Variants in HMCN1 observed in about 807,000 individuals in gnomAD.
The protein encoded by HMCN1 is hemicentin 1.
A neutral mutation model predicts 625.9 loss-of-function variants in HMCN1; 321 were observed. The ratio of observed to expected loss-of-function variants is 0.51; its 90% CI spans 0.47 to 0.56. The LOEUF is 0.56. Among genes scored for constraint, HMCN1 ranks in the 20% least tolerant of loss-of-function variants. HMCN1 has a pLI of 0.00. For missense variants in HMCN1, 6,588 were observed against 6,887.3 expected (o/e 0.96, Z 1.54); for synonymous variants, 2,425 against 2,417.6 (o/e 1.00, Z -0.09).
chr1:186,113,071 T>C, intron 72 of HMCN1, 118 bp downstream of exon 72: 1 of 1,184,814 alleles, frequency 8.4e-7, no homozygotes, highest in Non-Finnish European at 1.2e-6. Context: ...TTACTGCTTT[T>C]GAAAAAGGCA....
chr1:185,933,833 C>A lies in HMCN1; in HGVS notation c.1828+9C>A. The A allele has an allele frequency of 6.2e-7, 1 of 1,610,924 alleles. No homozygotes were observed. On this transcript the variant is annotated intron_variant, in intron 11 of 106. Coordinates refer to ENST00000271588, the MANE Select transcript of HMCN1 (RefSeq NM_031935.3). ...TTTCCTCACAGTGCAAGGTACAGTG[C>A]TTTGGTAACTTCTGAATTATGACAT...
chr1:185,757,932 T>C (rs942581348), intron 1 of HMCN1, among the ~76,000 whole-genome samples: 1 of 152,194 alleles, frequency 6.6e-6, no homozygotes, highest in African/African-American at 2.4e-5. Context: ...TATCCTCTAC[T>C]CCACTGTAGG....
chr1:185,979,899 C>T (rs562971505), intron 16 of HMCN1, among the ~76,000 whole-genome samples: 3 of 151,870 alleles, frequency 2.0e-5, no homozygotes, highest in African/African-American at 7.2e-5. Context: ...ATTTAAAATC[C>T]TCTCCTTCCT....
intron 1 of HMCN1, among the ~76,000 whole-genome samples, chr1:185,824,442 C>A (rs1660385011): frequency 6.6e-6 from 1 of 152,062 alleles, no homozygotes; most frequent in Non-Finnish European, 1.5e-5. Flanking sequence ...TCAGAGAATT[C>A]TCAAATTGTG....
chr1:185,760,773 G>A (rs1448528876), intron 1 of HMCN1, among the ~76,000 whole-genome samples: 2 of 152,086 alleles, frequency 1.3e-5, no homozygotes, highest in Non-Finnish European at 2.9e-5. Flanking sequence ...CAATTAGTAT[G>A]CATCAGGCAC....
chr1:185,913,044 A>G (rs866556251), intron 6 of HMCN1, among the ~76,000 whole-genome samples: 6 of 152,126 alleles, frequency 3.9e-5, no homozygotes, highest in Non-Finnish European at 8.8e-5. Flanking sequence ...AACTCCATTA[A>G]TGTCCCCAGT....
At chr1:186,165,339 A>G (rs1651814536) in intron 98 of HMCN1, among the ~76,000 whole-genome samples, 166 bp downstream of exon 98, 1 of 152,266 alleles carries the variant, frequency 6.6e-6, no homozygotes. Flanking sequence ...AAGTCAAACT[A>G]TGGAAAACCA....
At chr1:185,911,030 T>C (rs1049481442) in intron 5 of HMCN1, among the ~76,000 whole-genome samples, 3 of 152,324 alleles carry the variant, frequency 2.0e-5, no homozygotes, top group African/African-American at 7.2e-5. Flanking sequence ...AATGGTATCA[T>C]GCTACTTCAT....
intron 10 of HMCN1, among the ~76,000 whole-genome samples, chr1:185,930,856 T>G (rs1571575177): frequency 2.0e-5 from 3 of 152,050 alleles, no homozygotes; most frequent in Admixed American, 2.0e-4. Flanking sequence ...TACTAAGTTA[T>G]ATTAATTATC....
intron 104 of HMCN1, among the ~76,000 whole-genome samples, chr1:186,179,988 A>G (rs1036151361): frequency 6.6e-6 from 1 of 152,110 alleles, no homozygotes; most frequent in Non-Finnish European, 1.5e-5. Context: ...CTGCAGCTTA[A>G]TATAAGGGAT....
At position 185,923,474 on chromosome 1, in the gene HMCN1, G is replaced by C. The variant is rs761876647; in HGVS notation, c.1106G>C (p.Gly369Ala). The C allele has an allele frequency of 1.9e-6, 3 of 1,610,628 alleles. No homozygotes were observed. Among genetic ancestry groups the C allele is most frequent in the Admixed American group, 1.7e-5 (1 of 60,004 alleles). The change falls in exon 8 of 107, where the codon GGA becomes GCA. Residue 369 changes from glycine (G) to alanine (A), a missense_variant. Coordinates refer to ENST00000271588, the MANE Select transcript of HMCN1 (RefSeq NM_031935.3). ...CTTCTTGAACTTTTGAGTATCTCAG[G>C]AAGTTCTCTTAAGACTATTCCTGTT... ...IDLLELLSIS[G>A]SSLKTIPVKY...
chr1:185,780,481 G>A (rs1361241730), intron 1 of HMCN1, among the ~76,000 whole-genome samples: 1 of 152,052 alleles, frequency 6.6e-6, no homozygotes, highest in Non-Finnish European at 1.5e-5. Flanking sequence ...ATTGGCTGTG[G>A]GTTTGTCATA....
intron 15 of HMCN1, among the ~76,000 whole-genome samples, chr1:185,974,324 G>A (rs1651045501): frequency 6.6e-6 from 1 of 152,128 alleles, no homozygotes; most frequent in Non-Finnish European, 1.5e-5. Context: ...TATGTTTAAT[G>A]AGTGTTTATA....
At position 186,129,862 on chromosome 1, in the gene HMCN1, C is replaced by G. The variant is rs1661834793; in HGVS notation, c.12905-104C>G. 4 of 1,366,604 alleles carry G rather than the reference C, an allele frequency of 2.9e-6. No individual in the cohort carries two copies. The East Asian group carries it at 9.2e-5, about 32-fold the overall frequency. 84.7% of individuals were successfully genotyped at this position (1,366,604 alleles called of 1,614,324 possible). On this transcript the variant is annotated intron_variant, in intron 83 of 106. Transcript: ENST00000271588. Reference sequence around the variant, plus strand: ...CTTCTCCAATGTCATCTCTTTGGTTCAATTGCTGACCAACTCATAAATCTA... The same window carrying G: ...CTTCTCCAATGTCATCTCTTTGGTTGAATTGCTGACCAACTCATAAATCTA...
At chr1:186,067,153 C>T (rs1658172094) in intron 49 of HMCN1, among the ~76,000 whole-genome samples, 2 of 152,306 alleles carry the variant, frequency 1.3e-5, no homozygotes, top group South Asian at 4.1e-4. Flanking sequence ...TTATATTTGA[C>T]TTCAGTTTCC....
At chr1:186,146,589 A>T (rs1650332973) in intron 93 of HMCN1, among the ~76,000 whole-genome samples, 2 of 152,218 alleles carry the variant, frequency 1.3e-5, no homozygotes, top group South Asian at 4.1e-4. Context: ...TCTTCTTAGA[A>T]ATAAAATGTT....
At chr1:186,133,288 T>C (rs1662042740) in intron 86 of HMCN1, among the ~76,000 whole-genome samples, 1 of 152,218 alleles carries the variant, frequency 6.6e-6, no homozygotes, top group Non-Finnish European at 1.5e-5. Flanking sequence ...CTTAAAAAGA[T>C]TGCCATTTAT....
rs1659619250 is a variant in HMCN1, at chr1:186,088,033, A to T, written c.9445+20A>T. The T allele has an allele frequency of 6.2e-7, 1 of 1,612,268 alleles. No individual in the cohort carries two copies. The highest frequency in any genetic ancestry group is 1.3e-5 in the African/African-American group (1 of 74,854). ...TATATGGTGAGCATTTGCCTCTAAT[A>T]CAACTCTTTTTCCCCTAGATATGCA... On this transcript the variant is annotated intron_variant, in intron 61 of 106. Coordinates refer to ENST00000271588, the MANE Select transcript of HMCN1 (RefSeq NM_031935.3).
Position 185,933,610 on chromosome 1 carries a change from T to G in HMCN1, c.1614T>G (p.Val538=). 6.2e-7 allele frequency: 1 copy of G among 1,613,960 alleles called. No individual in the cohort carries two copies. The highest frequency in any genetic ancestry group is 8.5e-7 in the Non-Finnish European group (1 of 1,179,900). Residue 538 remains valine (V), a synonymous_variant, in exon 11 of 107, where the codon GTT becomes GTG. Transcript: ENST00000271588. ...NVTVTPGERA[V]LTCLIISAVD... is the part of the protein sequence containing the mutation. ...CAGTCACTCCTGGAGAGAGAGCAGT[T>G]TTAACATGTCTCATCATCAGTGCGG...
Sources: gnomAD v4.1 joint callset for allele counts (sites outside exome capture counted in the v4.1 genomes callset) on GRCh38, gnomAD v4.1.1 for gene constraint, MANE v1.5 for transcripts, NCBI Gene and HGNC (gene_info 2026-07-23, HGNC 2026-07-21) for gene names.